The following ZBBX variants were observed in gnomAD, a reference collection of about 807,000 sequenced individuals.
The protein encoded by ZBBX is zinc finger B-box domain containing, also known as zinc finger B-box domain-containing protein 1.
A neutral mutation model predicts 108.5 loss-of-function variants in ZBBX; 101 were observed. The ratio of observed to expected loss-of-function variants is 0.93; its 90% CI spans 0.79 to 1.10. The LOEUF (loss-of-function observed/expected upper bound fraction) is 1.10, where lower values mean the gene tolerates loss of function less well. Among genes scored for constraint, ZBBX ranks in the 50% least tolerant of loss-of-function variants. The pLI, the probability that ZBBX is intolerant of heterozygous loss-of-function variation, is 0.00. For synonymous variants in ZBBX, 356 were observed against 323.4 expected, an observed-to-expected ratio of 1.10 and a Z score of -1.08; for missense variants, 1,009 against 941.4, an observed-to-expected ratio of 1.07 and a Z score of -0.94.
At chr3:167,288,389 C>A (rs1730088529) in intron 19 of ZBBX, among the ~76,000 whole-genome samples, 2 of 152,044 alleles carry the variant, frequency 1.3e-5, no homozygotes, top group Admixed American at 1.3e-4. Context: ...ATTCCAGGGT[C>A]AATGCATACA....
intron 20 of ZBBX, among the ~76,000 whole-genome samples, chr3:167,252,561 C>T (rs1722796249): frequency 6.8e-6 from 1 of 147,390 alleles, no homozygotes; most frequent in Non-Finnish European, 1.5e-5. Flanking sequence ...ATGAACAGTG[C>T]ACTCATACAA....
chr3:167,369,166 T>C (rs1195214285), intron 4 of ZBBX, among the ~76,000 whole-genome samples: 1 of 152,212 alleles, frequency 6.6e-6, no homozygotes, highest in Non-Finnish European at 1.5e-5. Context: ...CACTAAGTTT[T>C]TGACAAAAGA....
intron 19 of ZBBX, among the ~76,000 whole-genome samples, chr3:167,286,844 C>T (rs1040803431): frequency 6.6e-6 from 1 of 152,084 alleles, no homozygotes; most frequent in Non-Finnish European, 1.5e-5. Context: ...GATGTTTTTA[C>T]ATTCATGACT....
intron 1 of ZBBX, chr3:167,401,262 A>C (rs1220409756): frequency 2.0e-5 from 3 of 152,184 alleles, no homozygotes; most frequent in Non-Finnish European, 4.4e-5. Flanking sequence ...TGAGTATCAA[A>C]AAACGTTTAA....
chr3:167,250,622 C>A (rs989734672), intron 20 of ZBBX, among the ~76,000 whole-genome samples: 2 of 151,766 alleles, frequency 1.3e-5, no homozygotes, highest in Non-Finnish European at 2.9e-5. Flanking sequence ...TGTCTAGGAA[C>A]CCTTAGACCG....
chr3:167,196,106 A>G, the ZBBX span, among the ~76,000 whole-genome samples: 1 of 152,162 alleles, frequency 6.6e-6, no homozygotes, highest in Non-Finnish European at 1.5e-5. Flanking sequence ...TACTCTAATG[A>G]TGAGTTTTGC....
the ZBBX span, among the ~76,000 whole-genome samples, chr3:167,208,865 A>G: frequency 6.6e-6 from 1 of 151,996 alleles, no homozygotes; most frequent in African/African-American, 2.4e-5. Flanking sequence ...GGTACTTGAG[A>G]TCCCTGATTC....
chr3:167,274,627 G>A lies in ZBBX; in HGVS notation c.2254+7611C>T, dbSNP rs189070139. Among the ~76,000 whole-genome samples, 998 of 152,216 alleles carry A rather than the reference G, an allele frequency of 6.6e-3. 2 individuals carry two copies. The highest frequency in any genetic ancestry group is 0.01 in the Non-Finnish European group (697 of 68,016). On this transcript the variant is annotated intron_variant, in intron 20 of 21. Transcript: ENST00000675490. ...TTGTTTCTCCTTGCCAACAGTTACT[G>A]TAAACAGCCTACCCCCTTCCCGTCA...
intron 2 of ZBBX, among the ~76,000 whole-genome samples, chr3:167,376,222 A>G (rs773544823): frequency 1.3e-5 from 2 of 152,190 alleles, no homozygotes; most frequent in Non-Finnish European, 2.9e-5. Flanking sequence ...AGCATTTTCA[A>G]ATGTAATTCT....
the ZBBX span, among the ~76,000 whole-genome samples, chr3:167,215,546 A>G: frequency 6.6e-6 from 1 of 152,144 alleles, no homozygotes; most frequent in African/African-American, 2.4e-5. Flanking sequence ...ATTCTACCAC[A>G]CGTACAAAGA....
At chr3:167,309,989 T>C (rs1485785906) in intron 16 of ZBBX, among the ~76,000 whole-genome samples, 1 of 152,196 alleles carries the variant, frequency 6.6e-6, no homozygotes, top group Non-Finnish European at 1.5e-5. Context: ...CATATGACTA[T>C]ATGCTTTTTG....
Position 167,323,243 on chromosome 3 carries a change from G to GC in ZBBX, c.863-1007_863-1006insG, listed in dbSNP as rs986142799. On this transcript the variant is annotated intron_variant, in intron 11 of 21. Transcript: ENST00000675490. Reference sequence around the variant, plus strand: ...CTTGACAGGAGAGCTAAAAGAGGGGGGGGGGGGAAAGAACTCTTTTGTTTT... The same window carrying GC: ...CTTGACAGGAGAGCTAAAAGAGGGGGCGGGGGGGAAAGAACTCTTTTGTTTT... 4.1e-5 allele frequency among the ~76,000 whole-genome samples: 6 copies of GC among 144,716 alleles called. 1 individual carries two copies. Among genetic ancestry groups the GC allele is most frequent in the South Asian group, 4.4e-4 (2 of 4,554 alleles). The allele number at this position is 144,716 out of a possible 152,430, so 94.9% of individuals were successfully genotyped here. A position where few individuals can be genotyped will look rare whatever the true frequency, so the allele number is the denominator to read the frequency against.
intron 4 of ZBBX, among the ~76,000 whole-genome samples, chr3:167,370,072 A>G (rs1186234683): frequency 6.6e-6 from 1 of 152,100 alleles, no homozygotes. Flanking sequence ...GTTTTAAGAG[A>G]ATTGATCAGA....
chr3:167,268,678 T>G (rs1488426776), intron 20 of ZBBX, among the ~76,000 whole-genome samples: 1 of 152,142 alleles, frequency 6.6e-6, no homozygotes, highest in African/African-American at 2.4e-5. Flanking sequence ...AACTCCACTT[T>G]GTCACTAAGA....
At chr3:167,392,137 A>G (rs1387614590) in intron 1 of ZBBX, among the ~76,000 whole-genome samples, 3 of 151,822 alleles carry the variant, frequency 2.0e-5, no homozygotes, top group Non-Finnish European at 4.4e-5. Flanking sequence ...AATTCATTAT[A>G]AATGGAATCA....
intron 9 of ZBBX, among the ~76,000 whole-genome samples, chr3:167,334,582 A>G (rs1739240744): frequency 6.6e-6 from 1 of 152,148 alleles, no homozygotes; most frequent in Non-Finnish European, 1.5e-5. Context: ...TCGAAAAAAG[A>G]AAAAAGAAAG....
At chr3:167,393,770 TATTGAACTATTAG>T (rs1234656342) in intron 1 of ZBBX, among the ~76,000 whole-genome samples, 1 of 151,936 alleles carries the variant, frequency 6.6e-6, no homozygotes, top group Non-Finnish European at 1.5e-5. Flanking sequence ...ACTTCTATTT[TATTGAACTATTAG>T]ATTACAAGTC....
Position 167,372,969 on chromosome 3 carries a change from C to T in ZBBX, c.-49-19G>A. On this transcript the variant is annotated intron_variant, in intron 3 of 21. Transcript: ENST00000675490. The stretch of plus-strand genomic sequence containing the variant: ...AACACTTCTGTAAAAGTAACAAAGA[C>T]AAAAGAATTATGGCAGAGGTGAAGC... 1 of 1,248,552 alleles carries T rather than the reference C, an allele frequency of 8.0e-7. No individual in the cohort carries two copies. Among genetic ancestry groups the T allele is most frequent in the Non-Finnish European group, 1.1e-6 (1 of 890,370 alleles). 77.3% of individuals were successfully genotyped at this position (1,248,552 alleles called of 1,614,324 possible). A position where few individuals can be genotyped will look rare whatever the true frequency, so the allele number is the denominator to read the frequency against.
intron 16 of ZBBX, among the ~76,000 whole-genome samples, chr3:167,313,344 C>T (rs1576969320): frequency 6.6e-6 from 1 of 151,484 alleles, no homozygotes; most frequent in Non-Finnish European, 1.5e-5. Context: ...GGTGTGATCT[C>T]GGCTTACCGC....
Sources: allele counts gnomAD v4.1 joint callset (sites outside exome capture counted in the v4.1 genomes callset), GRCh38; gene constraint gnomAD v4.1.1; transcripts MANE v1.5; gene names NCBI Gene and HGNC (gene_info 2026-07-23, HGNC 2026-07-21).